NSD1: variants seen among roughly 807,000 people sequenced by gnomAD.
The protein encoded by NSD1 is histone-lysine N-methyltransferase, H3 lysine-36 specific.
In NSD1, 26 loss-of-function variants were observed where a neutral mutation model predicts 242.7. The observed-to-expected ratio is 0.11, with a 90% CI of 0.08 to 0.15. The LOEUF is 0.15. Among genes scored for constraint, NSD1 ranks in the 10% least tolerant of loss-of-function variants. The pLI is 1.00. For missense variants in NSD1, 2,495 were observed against 3,272.8 expected (o/e 0.76, Z 5.80); for synonymous variants, 1,106 against 1,178.1 (o/e 0.94, Z 1.25).
chr5:177,176,534 C>G (rs1017824199), intron 2 of NSD1, among the ~76,000 whole-genome samples: 2 of 151,882 alleles, frequency 1.3e-5, no homozygotes, highest in Non-Finnish European at 2.9e-5. Flanking sequence ...TGTGCTTAAG[C>G]AATCCTCTCA....
chr5:177,185,789 T>TTATATA (rs1158888825), intron 2 of NSD1, among the ~76,000 whole-genome samples: 1 of 23,818 alleles, frequency 4.2e-5, no homozygotes, highest in African/African-American at 5.7e-4. Flanking sequence ...TATATGTATA[T>TTATATA]TATATATATA....
chr5:177,229,410 C>A (rs1370391966), intron 5 of NSD1, among the ~76,000 whole-genome samples: 1 of 152,134 alleles, frequency 6.6e-6, no homozygotes. Flanking sequence ...TTGGCTCTTG[C>A]TTTGTTTGAT....
chr5:177,291,920 A>G (rs1252403413), intron 21 of NSD1, 34 bp from the exon 22 acceptor site: 1 of 1,599,172 alleles, frequency 6.3e-7, no homozygotes, highest in East Asian at 2.2e-5. Context: ...TAATGTGTTC[A>G]CAGAATGCTG....
chr5:177,239,231 A>T (rs191755746), intron 7 of NSD1, among the ~76,000 whole-genome samples: 50 of 152,356 alleles, frequency 3.3e-4, no homozygotes, highest in African/African-American at 1.2e-3. Flanking sequence ...GGTATAATAA[A>T]AAAGATTTTT....
chr5:177,259,844 G>T, intron 13 of NSD1, 145 bp from the exon 14 acceptor site: 2 of 839,612 alleles, frequency 2.4e-6, no homozygotes, highest in South Asian at 1.6e-5. Flanking sequence ...GATGGATCGA[G>T]TGTTTAAGAT....
rs1562095886 is a variant in NSD1 at position 177,134,112 on chromosome 5, T to TCCC, written c.-18+162_-18+163insCCC. On this transcript the variant is annotated intron_variant, in intron 1 of 22. Transcript: ENST00000439151. The surrounding 1 kb of genome is among the most constrained non-coding windows in gnomAD (Gnocchi z 4.2). ...GCCGGCGGCGCTGCAGCCGCCGGCC[T>TCCC]CCTCCCCCTCCCCCTCCTCCATCAC... 34 of 148,640 alleles carry TCCC rather than the reference T, an allele frequency of 2.3e-4. No homozygotes were observed. Among genetic ancestry groups the TCCC allele is most frequent in the East Asian group, 8.4e-4 (4 of 4,734 alleles). The allele number at this position is 148,640 out of a possible 1,614,324, so 9.2% of individuals were successfully genotyped here. A position where few individuals can be genotyped will look rare whatever the true frequency, so the allele number is the denominator to read the frequency against.
intron 14 of NSD1, chr5:177,266,547 G>A (rs948716914): frequency 1.0e-5 from 7 of 686,272 alleles, no homozygotes; most frequent in African/African-American, 9.1e-5. Flanking sequence ...CCTGGCCACA[G>A]GACACCTCCA....
intron 12 of NSD1, among the ~76,000 whole-genome samples, chr5:177,253,498 C>T (rs934377771): frequency 6.6e-6 from 1 of 152,044 alleles, no homozygotes; most frequent in Non-Finnish European, 1.5e-5. Context: ...TATGGATTTA[C>T]TTGGTTGTTG....
rs1756529524 is a variant in NSD1, at chr5:177,257,117, T to C, written c.4932T>C (p.His1644=). ...RCSLHICITC[H]AANPANVSAS... ...CCCTCCACATCTGTATAACCTGTCA[T>C]GCTGCTAATCCAGCCAATGTTTCTG... Residue 1644 remains histidine, a synonymous_variant, in exon 13 of 23, where the codon CAT becomes CAC. Transcript: ENST00000439151. The C allele has an allele frequency of 6.2e-7, 1 of 1,614,036 alleles. No homozygotes were observed. The highest frequency in any genetic ancestry group is 8.5e-7 in the Non-Finnish European group (1 of 1,180,024).
chr5:177,293,556 G>A (rs1760022293), intron 22 of NSD1, among the ~76,000 whole-genome samples: 1 of 113,406 alleles, frequency 8.8e-6, no homozygotes. Flanking sequence ...CCTCCTTGCT[G>A]GAAATAGTCA....
At position 177,297,588 on chromosome 5, in the gene NSD1, CAG is replaced by C. The variant is rs1270548588; in HGVS notation, c.*2132_*2133del. ...GAAAAAGGTATCTGCACTGCACTGTCAGAGTCTCCTTTCACTATGTTGTGTGT... is the reference window on the plus strand; with the variant it reads ...GAAAAAGGTATCTGCACTGCACTGTCAGTCTCCTTTCACTATGTTGTGTGT... On this transcript the variant is annotated 3_prime_UTR_variant, in exon 23 of 23. Coordinates refer to ENST00000439151, the MANE Select transcript of NSD1 (RefSeq NM_022455.5). 1 of 211,650 alleles carries C rather than the reference CAG, an allele frequency of 4.7e-6. No individual in the cohort carries two copies. The highest frequency in any genetic ancestry group is 2.6e-5 in the African/African-American group (1 of 39,206). The allele number at this position is 211,650 out of a possible 1,614,324, so 13.1% of individuals were successfully genotyped here. A position where few individuals can be genotyped will look rare whatever the true frequency, so the allele number is the denominator to read the frequency against.
Position 177,158,293 on chromosome 5 carries a change from C to CTTTCTTTCTTTCTTTTCT in NSD1, c.927+22274_927+22275insCTTTTCTTTTCTTTCTTT, listed in dbSNP as rs1758350204. On this transcript the variant is annotated intron_variant, in intron 2 of 22. Coordinates refer to ENST00000439151, the MANE Select transcript of NSD1 (RefSeq NM_022455.5). ...TCTTTCTTTCTTTCTTTCTTTCTTT[C>CTTTCTTTCTTTCTTTTCT]TTTCTTTCTTTTCTTTCTTTTCTTT... Among the ~76,000 whole-genome samples, 319 of 77,730 alleles carry CTTTCTTTCTTTCTTTTCT rather than the reference C, an allele frequency of 4.1e-3. 1 individual carries two copies. The highest frequency in any genetic ancestry group is 0.012 in the African/African-American group (248 of 21,510). 51.0% of individuals were successfully genotyped at this position (77,730 alleles called of 152,430 possible).
chr5:177,160,265 A>G (rs1451659417), intron 2 of NSD1, among the ~76,000 whole-genome samples: 1 of 152,038 alleles, frequency 6.6e-6, no homozygotes, highest in Non-Finnish European at 1.5e-5. Context: ...ATTACCCTTG[A>G]ATGAGCTTTA....
At chr5:177,196,429 C>T (rs549264877) in intron 3 of NSD1, among the ~76,000 whole-genome samples, 3 of 152,004 alleles carry the variant, frequency 2.0e-5, no homozygotes, top group South Asian at 2.1e-4. Flanking sequence ...ATGAAAATTG[C>T]GAATAGAAAA....
At position 177,210,177 on chromosome 5, in the gene NSD1, T is replaced by C. The variant is rs1013517409; in HGVS notation, c.1778T>C (p.Leu593Ser). Reference protein sequence around the residue: ...ETSNGDSLLGLPEGALISKCS... With the variant: ...ETSNGDSLLGSPEGALISKCS... The stretch of plus-strand genomic sequence containing the variant: ...TCAAATGGTGACTCTTTATTGGGCT[T>C]GCCTGAGGGTGCTTTGATCTCAAAG... Residue 593 changes from leucine to serine, a missense_variant, in exon 5 of 23, where the codon TTG (leucine) becomes TCG (serine). By Grantham distance (145) the Leu-to-Ser change is moderately radical (BLOSUM62 -2). Transcript: ENST00000439151. The C allele has an allele frequency of 5.0e-6, 8 of 1,603,874 alleles. No individual in the cohort carries two copies. In the African/African-American group the frequency reaches 1.1e-4, roughly 22 times the overall value.
chr5:177,236,907 G>A (rs561689471), intron 6 of NSD1, among the ~76,000 whole-genome samples: 1 of 152,190 alleles, frequency 6.6e-6, no homozygotes, highest in African/African-American at 2.4e-5. Flanking sequence ...CACGAACACG[G>A]TTCACTGCAG....
intron 8 of NSD1, among the ~76,000 whole-genome samples, chr5:177,242,626 C>T (rs185939117): frequency 7.6e-4 from 115 of 152,124 alleles, no homozygotes; most frequent in African/African-American, 2.6e-3. Context: ...CTTCCAGGTT[C>T]ATGCGATTCT....
chr5:177,229,807 G>A (rs1303645805), intron 5 of NSD1: 6 of 344,218 alleles, frequency 1.7e-5, no homozygotes, highest in South Asian at 4.2e-5. Flanking sequence ...GCAGTGGCAC[G>A]ATCTAGGCTC....
At chr5:177,174,234 G>A (rs1759981589) in intron 2 of NSD1, among the ~76,000 whole-genome samples, 1 of 152,092 alleles carries the variant, frequency 6.6e-6, no homozygotes, top group Non-Finnish European at 1.5e-5. Flanking sequence ...GCGTGGTGGT[G>A]CCCCAGCTAC....
Sources: gnomAD v4.1 joint callset for allele counts (sites outside exome capture counted in the v4.1 genomes callset) on GRCh38, gnomAD v4.1.1 for gene constraint, Gnocchi (gnomAD v3.1) non-coding constraint, MANE v1.5 for transcripts, NCBI Gene and HGNC (gene_info 2026-07-23, HGNC 2026-07-21) for gene names.